The following SNCAIP variants were observed in gnomAD, a reference collection of about 807,000 sequenced individuals.
SNCAIP encodes synphilin-1.
In SNCAIP, 43 loss-of-function variants were observed where a neutral mutation model predicts 86.7. The observed-to-expected ratio is 0.50, with a 90% CI of 0.39 to 0.64. The LOEUF (loss-of-function observed/expected upper bound fraction) is 0.64, where lower values mean the gene tolerates loss of function less well. Among genes scored for constraint, SNCAIP ranks in the 30% least tolerant of loss-of-function variants. The pLI is 0.00. For missense variants in SNCAIP, 981 were observed against 1,103.1 expected (o/e 0.89, Z 1.57); for synonymous variants, 417 against 427.2 (o/e 0.98, Z 0.29).
intron 1 of SNCAIP, among the ~76,000 whole-genome samples, chr5:122,387,784 T>G (rs1299931492): frequency 1.3e-5 from 2 of 152,244 alleles, no homozygotes. Flanking sequence ...GCAAAGGTTT[T>G]CTTTTCCTAG....
At chr5:122,432,345 T>C (rs1778576028) in intron 6 of SNCAIP, among the ~76,000 whole-genome samples, 1 of 152,154 alleles carries the variant, frequency 6.6e-6, no homozygotes, top group Admixed American at 6.6e-5. Context: ...CATTATATAG[T>C]ACTAAACAAA....
intron 10 of SNCAIP, among the ~76,000 whole-genome samples, chr5:122,459,713 G>A (rs560408458): frequency 3.1e-4 from 47 of 152,210 alleles, no homozygotes; most frequent in African/African-American, 1.0e-3. Context: ...GCCCATCAAA[G>A]TCTAAACTTT....
At chr5:122,403,240 G>T (rs1476111492) in intron 2 of SNCAIP, among the ~76,000 whole-genome samples, 2 of 152,096 alleles carry the variant, frequency 1.3e-5, no homozygotes, top group African/African-American at 4.8e-5. Context: ...TGCTTTTTAT[G>T]ACATTACCCT....
At position 122,449,882 on chromosome 5, in the gene SNCAIP, C is replaced by T; in HGVS notation, c.1630C>T (p.Gln544Ter). The T allele has an allele frequency of 6.2e-7, 1 of 1,614,014 alleles. No individual in the cohort carries two copies. The highest frequency in any genetic ancestry group is 8.5e-7 in the Non-Finnish European group (1 of 1,179,928). The change falls in exon 9 of 11, where the codon CAA becomes TAA. Residue 544 changes from glutamine to a stop codon, truncating the protein, a stop_gained. Coordinates refer to ENST00000261368, the MANE Select transcript of SNCAIP (RefSeq NM_005460.4). LOFTEE classifies it high-confidence loss of function. ...VERVTLQNQL[Q>*]QFLEAQKSEG... ...ACGTGTCACGCTGCAGAACCAACTC[C>T]AACAATTTCTAGAAGCCCAGAAATC... is the stretch of plus-strand genomic sequence containing the variant.
At chr5:122,408,965 C>G (rs1581063237) in intron 3 of SNCAIP, among the ~76,000 whole-genome samples, 1 of 152,170 alleles carries the variant, frequency 6.6e-6, no homozygotes, top group Admixed American at 6.5e-5. Flanking sequence ...GGATGTGAAA[C>G]TTGCTCTACA....
intron 1 of SNCAIP, among the ~76,000 whole-genome samples, chr5:122,386,333 C>T (rs1768121368): frequency 1.3e-5 from 2 of 152,144 alleles, no homozygotes; most frequent in African/African-American, 4.8e-5. Context: ...TTTGAGCTCT[C>T]TCCCAAAAGG....
rs140598408 is a variant in SNCAIP, at chr5:122,334,570, A to G, written c.-47+22286A>G. Among the ~76,000 whole-genome samples the G allele has an allele frequency of 8.8e-4, 134 of 152,376 alleles. 2 individuals carry two copies. Among genetic ancestry groups the G allele is most frequent in the African/African-American group, 3.1e-3 (130 of 41,600 alleles). On this transcript the variant is annotated intron_variant, in intron 1 of 10. Coordinates refer to ENST00000261368, the MANE Select transcript of SNCAIP (RefSeq NM_005460.4). ...CAGAGAGGTGACATGCCGTGCGACTAGCACAGGTTCTTGTCAGTGGACGTC... is the reference window on the plus strand; with the variant it reads ...CAGAGAGGTGACATGCCGTGCGACTGGCACAGGTTCTTGTCAGTGGACGTC...
At chr5:122,419,572 T>C (rs745913033) in intron 3 of SNCAIP, among the ~76,000 whole-genome samples, 1 of 152,180 alleles carries the variant, frequency 6.6e-6, no homozygotes, top group Non-Finnish European at 1.5e-5. Flanking sequence ...AATCTACTTA[T>C]GTAAAGCAAT....
Position 122,451,608 on chromosome 5 carries a change from G to A in SNCAIP, c.2754+7G>A, listed in dbSNP as rs548537615. 5.8e-6 allele frequency: 9 copies of A among 1,555,028 alleles called. No homozygotes were observed. In the African/African-American group the frequency reaches 1.1e-4, roughly 19 times the overall value. On this transcript the variant is annotated splice_region_variant and intron_variant, in intron 10 of 10. Coordinates refer to ENST00000261368, the MANE Select transcript of SNCAIP (RefSeq NM_005460.4). ...CAAAGGAAAGAATAAGGCAGTAAGT[G>A]CTATTTGGAGAATATTCTTTTTTTT...
Position 122,385,259 on chromosome 5 carries a change from A to T in SNCAIP, c.-46-5830A>T, listed in dbSNP as rs2152827513. Among the ~76,000 whole-genome samples the T allele has an allele frequency of 2.0e-5, 3 of 151,968 alleles. No homozygotes were observed. In the Middle Eastern group the frequency reaches 0.01, roughly 517 times the overall value. ...AACTAGTGTAGGTCTTATCCACCAC[A>T]TGCATCCAGAATATTCCATAAATGA... On this transcript the variant is annotated intron_variant, in intron 1 of 10. Transcript: ENST00000261368.
chr5:122,438,080 A>G (rs1178250404), intron 6 of SNCAIP, among the ~76,000 whole-genome samples: 2 of 152,248 alleles, frequency 1.3e-5, no homozygotes, highest in Admixed American at 6.5e-5. Flanking sequence ...GCTTCTCAGT[A>G]TCTTGAACTC....
At chr5:122,433,530 A>G (rs1778827237) in intron 6 of SNCAIP, among the ~76,000 whole-genome samples, 1 of 152,196 alleles carries the variant, frequency 6.6e-6, no homozygotes, top group Non-Finnish European at 1.5e-5. Flanking sequence ...ACATTGTAAT[A>G]TTTGGAGTGC....
chr5:122,404,418 G>A (rs1023573992), intron 3 of SNCAIP, among the ~76,000 whole-genome samples: 5 of 152,062 alleles, frequency 3.3e-5, no homozygotes, highest in Non-Finnish European at 7.4e-5. Context: ...CCAGCTGGTC[G>A]ACCTTTTCTC....
intron 1 of SNCAIP, chr5:122,369,912 A>G (rs937653292): frequency 1.3e-5 from 2 of 152,120 alleles, no homozygotes; most frequent in Non-Finnish European, 2.9e-5. Flanking sequence ...TCTCTTTCCA[A>G]AAGAGCTTTT....
intron 3 of SNCAIP, among the ~76,000 whole-genome samples, chr5:122,418,215 C>T (rs304390): frequency 0.42 from 63,224 of 152,054 alleles, 13,301 homozygotes; most frequent in East Asian, 0.6. Flanking sequence ...GATGATAAGG[C>T]AAATTAGAAA....
intron 1 of SNCAIP, among the ~76,000 whole-genome samples, chr5:122,350,601 A>G (rs933474752): frequency 7.2e-5 from 11 of 151,944 alleles, no homozygotes; most frequent in Admixed American, 3.9e-4. Context: ...CTGACTCACA[A>G]CTCATTACTG....
At chr5:122,395,562 G>A (rs1770427962) in intron 2 of SNCAIP, among the ~76,000 whole-genome samples, 1 of 152,126 alleles carries the variant, frequency 6.6e-6, no homozygotes, top group Non-Finnish European at 1.5e-5. Context: ...TTGAACCACT[G>A]TCTGATAGAA....
chr5:122,359,348 T>TTTTTTTTTATTTA (rs1234533607), intron 1 of SNCAIP, among the ~76,000 whole-genome samples: 2 of 124,250 alleles, frequency 1.6e-5, no homozygotes, highest in African/African-American at 3.2e-5. Flanking sequence ...GAGATTTTTA[T>TTTTTTTTTATTTA]TTTTATTTAT....
At chr5:122,390,151 A>T (rs1769044522) in intron 1 of SNCAIP, among the ~76,000 whole-genome samples, 1 of 152,162 alleles carries the variant, frequency 6.6e-6, no homozygotes, top group South Asian at 2.1e-4. Context: ...AGATACTCAA[A>T]TCTGGGTACT....
Sources: allele counts gnomAD v4.1 joint callset (sites outside exome capture counted in the v4.1 genomes callset), GRCh38; gene constraint gnomAD v4.1.1; transcripts MANE v1.5; gene names NCBI Gene and HGNC (gene_info 2026-07-23, HGNC 2026-07-21).